The following PSMD11 variants were observed in gnomAD, a reference collection of about 807,000 sequenced individuals.
PSMD11 encodes 26S proteasome non-ATPase regulatory subunit 11.
PSMD11 carries 5 observed loss-of-function variants against 62.3 expected under a neutral mutation model. The ratio of observed to expected loss-of-function variants is 0.08; its 90% CI spans 0.04 to 0.17. The LOEUF (loss-of-function observed/expected upper bound fraction) is 0.17. Among genes scored for constraint, PSMD11 ranks in the 10% least tolerant of loss-of-function variants. The probability of loss-of-function intolerance (pLI) is 1.00; values close to 1 mark genes in which losing one functional copy is unlikely to be tolerated. For synonymous variants in PSMD11, 191 were observed against 191.8 expected, an observed-to-expected ratio of 1.00 and a Z score of 0.03; for missense variants, 310 against 512.9, an observed-to-expected ratio of 0.60 and a Z score of 3.82.
chr17:32,476,609 G>A (rs545214847), intron 8 of PSMD11: 1 of 152,170 alleles, frequency 6.6e-6, no homozygotes, highest in Non-Finnish European at 1.5e-5. Flanking sequence ...CAGGAGATAG[G>A]CTAATCTCCC....
intron 5 of PSMD11, among the ~76,000 whole-genome samples, chr17:32,468,460 T>C (rs753026290): frequency 1.3e-5 from 2 of 152,262 alleles, no homozygotes; most frequent in Non-Finnish European, 2.9e-5. Flanking sequence ...TAGGTTTCAC[T>C]CTTAAATTTA....
chr17:32,451,933 T>C (rs549915094), intron 2 of PSMD11, among the ~76,000 whole-genome samples: 1 of 152,304 alleles, frequency 6.6e-6, no homozygotes, highest in African/African-American at 2.4e-5. Context: ...TTTCGCCATA[T>C]TGCCCAGGCT....
chr17:32,455,424 G>T (rs1907620273), intron 3 of PSMD11, among the ~76,000 whole-genome samples: 1 of 152,160 alleles, frequency 6.6e-6, no homozygotes, highest in Non-Finnish European at 1.5e-5. Context: ...AACGGGGAAC[G>T]CAGGCAATAA....
chr17:32,468,877 C>T, intron 5 of PSMD11, 122 bp from the exon 6 acceptor site: 2 of 948,222 alleles, frequency 2.1e-6, no homozygotes, highest in Non-Finnish European at 1.5e-6. Flanking sequence ...CTAGAGGTAA[C>T]CTTTTTTGAG....
intron 3 of PSMD11, among the ~76,000 whole-genome samples, chr17:32,458,860 C>G (rs1907725884): frequency 1.3e-5 from 2 of 152,036 alleles, no homozygotes; most frequent in Non-Finnish European, 2.9e-5. Context: ...TGTTTCAAGT[C>G]TTTGCTCACA....
At chr17:32,468,885 G>C in intron 5 of PSMD11, 114 bp from the exon 6 acceptor site, 2 of 1,027,332 alleles carry the variant, frequency 1.9e-6, no homozygotes, top group South Asian at 1.9e-5. Context: ...AACCTTTTTT[G>C]AGTTCAGGAA....
intron 2 of PSMD11, among the ~76,000 whole-genome samples, chr17:32,450,399 G>C (rs1441038218): frequency 6.6e-6 from 1 of 151,114 alleles, no homozygotes; most frequent in Non-Finnish European, 1.5e-5. Flanking sequence ...GGGACTACAG[G>C]CGTGAGCCAC....
rs546562916 is a variant in PSMD11 at position 32,449,474 on chromosome 17, G to A, written c.193+2428G>A. The stretch of plus-strand genomic sequence containing the variant: ...CCTCCAGTGGCATGAATTAAGAACA[G>A]TGTGTGGTATATAGTCAATACTTAA... On this transcript the variant is annotated intron_variant, in intron 2 of 13. Coordinates refer to ENST00000261712, the MANE Select transcript of PSMD11 (RefSeq NM_002815.4). Among the ~76,000 whole-genome samples, 3 of 152,268 alleles carry A rather than the reference G, an allele frequency of 2.0e-5. No individual in the cohort carries two copies. The South Asian group carries it at 6.2e-4, about 32-fold the overall frequency.
In PSMD11 at chr17:32,464,036, C is replaced by T. The variant is rs767675043; in HGVS notation, c.319-13C>T. On this transcript the variant is annotated splice_polypyrimidine_tract_variant and intron_variant, in intron 3 of 13. Coordinates refer to ENST00000261712, the MANE Select transcript of PSMD11 (RefSeq NM_002815.4). ...GGACATAATGTTGCATGTACTGTCT[C>T]TCCTTATTGCAGGTCGAGCTGTGTT... 30 of 1,612,824 alleles carry T rather than the reference C, an allele frequency of 1.9e-5. No homozygotes were observed. Among genetic ancestry groups the T allele is most frequent in the Non-Finnish European group, 2.2e-5 (26 of 1,178,938 alleles).
chr17:32,479,828 T>C (rs1217026572), intron 10 of PSMD11, 23 bp from the exon 11 acceptor site: 1 of 1,611,946 alleles, frequency 6.2e-7, no homozygotes, highest in South Asian at 1.1e-5. Flanking sequence ...TCAGTGTTGG[T>C]GTCTCTCTGC....
At chr17:32,477,749 T>A (rs1307916070) in intron 9 of PSMD11, 166 bp downstream of exon 9, 1 of 455,340 alleles carries the variant, frequency 2.2e-6, no homozygotes, top group Non-Finnish European at 3.8e-6. Context: ...TTAAGCACTT[T>A]GTACAATGAA....
chr17:32,453,097 G>A (rs1445187796), intron 2 of PSMD11, among the ~76,000 whole-genome samples: 1 of 152,226 alleles, frequency 6.6e-6, no homozygotes, highest in Non-Finnish European at 1.5e-5. Flanking sequence ...ACATTTCTGT[G>A]ACTAGAAATC....
At chr17:32,444,905 G>T (rs1200226008) in intron 1 of PSMD11, 9 of 495,916 alleles carry the variant, frequency 1.8e-5, no homozygotes, top group African/African-American at 8.3e-5. Flanking sequence ...TCCCTCCCTA[G>T]CCATGTCCCC....
chr17:32,446,310 A>T (rs1215171962), intron 1 of PSMD11, among the ~76,000 whole-genome samples: 1 of 152,246 alleles, frequency 6.6e-6, no homozygotes, highest in Non-Finnish European at 1.5e-5. Flanking sequence ...AATAGGACAG[A>T]TAGCACAAAG....
chr17:32,474,908 T>A, intron 8 of PSMD11, 84 bp downstream of exon 8: 1 of 1,181,416 alleles, frequency 8.5e-7, no homozygotes. Context: ...ACCAGCACTC[T>A]TCAGATCTTC....
intron 3 of PSMD11, among the ~76,000 whole-genome samples, chr17:32,461,667 C>T (rs1303425110): frequency 6.6e-6 from 1 of 150,632 alleles, no homozygotes; most frequent in African/African-American, 2.4e-5. Flanking sequence ...GTAGGAGAAA[C>T]ATCTATGATG....
rs201269546 is a variant in PSMD11, at chr17:32,464,487, C to T, written c.391-34C>T. 4.8e-5 allele frequency: 73 copies of T among 1,522,372 alleles called. 1 individual carries two copies. In the Admixed American group the frequency reaches 1.2e-3, roughly 25 times the overall value. 94.3% of individuals were successfully genotyped at this position (1,522,372 alleles called of 1,614,324 possible). A position where few individuals can be genotyped will look rare whatever the true frequency, so the allele number is the denominator to read the frequency against. The stretch of plus-strand genomic sequence containing the variant: ...TTGATTTCTTTCTGTGGCTTTTTCC[C>T]CCCCCTTCAATCAATGCCTTTTCTC... On this transcript the variant is annotated intron_variant, in intron 4 of 13. Coordinates refer to ENST00000261712, the MANE Select transcript of PSMD11 (RefSeq NM_002815.4).
At chr17:32,464,270 T>C (rs1253066499) in intron 4 of PSMD11, 150 bp downstream of exon 4, 1 of 848,866 alleles carries the variant, frequency 1.2e-6, no homozygotes, top group Non-Finnish European at 1.9e-6. Flanking sequence ...CTTATGATAA[T>C]TGCTCTGATT....
intron 5 of PSMD11, among the ~76,000 whole-genome samples, chr17:32,467,850 T>C (rs868744672): frequency 1.3e-5 from 2 of 152,296 alleles, no homozygotes; most frequent in Non-Finnish European, 1.5e-5. Flanking sequence ...CATGTGCAGG[T>C]TTGTTACATA....
Sources: allele counts gnomAD v4.1 joint callset (sites outside exome capture counted in the v4.1 genomes callset), GRCh38; gene constraint gnomAD v4.1.1; transcripts MANE v1.5; gene names NCBI Gene and HGNC (gene_info 2026-07-23, HGNC 2026-07-21).